ZNF254: variants seen among roughly 807,000 people sequenced by gnomAD.
ZNF254 encodes the protein CTD-2017D11.1.
In ZNF254, 10 loss-of-function variants were observed where a neutral mutation model predicts 12.4. That is an observed-to-expected ratio of 0.80 (90% CI 0.50 to 1.36). The LOEUF (loss-of-function observed/expected upper bound fraction) is 1.36. ZNF254 is among the 40% of genes most tolerant of loss of function. The pLI, the probability that ZNF254 is intolerant of heterozygous loss-of-function variation, is 0.00. For missense variants in ZNF254, 996 were observed against 763.9 expected, an observed-to-expected ratio of 1.30 and a Z score of -3.58; for synonymous variants, 305 against 253.4, an observed-to-expected ratio of 1.20 and a Z score of -1.93.
intron 2 of ZNF254, among the ~76,000 whole-genome samples, chr19:24,068,721 T>G (rs998622940): frequency 1.2e-4 from 19 of 152,224 alleles, no homozygotes; most frequent in Non-Finnish European, 5.9e-5. Context: ...TACCTTTAGA[T>G]GAGACCCAGG....
chr19:24,047,486 G>A (rs946140485), intron 2 of ZNF254, among the ~76,000 whole-genome samples: 2 of 151,418 alleles, frequency 1.3e-5, no homozygotes, highest in Admixed American at 6.6e-5. Flanking sequence ...CAGGGCTGGC[G>A]TCAAGCTCCT....
upstream of ZNF254, among the ~76,000 whole-genome samples, chr19:24,084,761 G>T (rs561352805): frequency 1.4e-4 from 21 of 151,874 alleles, no homozygotes; most frequent in Admixed American, 3.9e-4. Flanking sequence ...CTGAACAGCT[G>T]GTACTAAAGG....
intron 1 of ZNF254, among the ~76,000 whole-genome samples, chr19:24,091,001 T>C (rs376249577): frequency 7.4e-6 from 1 of 135,898 alleles, no homozygotes; most frequent in East Asian, 2.2e-4. Flanking sequence ...CAGGCTGGAG[T>C]GCAGTGGCGC....
intron 2 of ZNF254, among the ~76,000 whole-genome samples, chr19:24,059,360 T>C (rs1420698745): frequency 1.3e-5 from 2 of 152,192 alleles, no homozygotes; most frequent in Non-Finnish European, 2.9e-5. Context: ...CAGAACTTAC[T>C]TGATGCGACT....
chr19:24,055,911 CAT>C (rs1239944536), intron 2 of ZNF254, among the ~76,000 whole-genome samples: 1 of 152,166 alleles, frequency 6.6e-6, no homozygotes, highest in East Asian at 1.9e-4. Flanking sequence ...AAAACCGGAA[CAT>C]GTGTGGGATT....
chr19:24,090,214 C>T (rs912980880), intron 1 of ZNF254, among the ~76,000 whole-genome samples: 2 of 151,534 alleles, frequency 1.3e-5, no homozygotes, highest in South Asian at 2.1e-4. Flanking sequence ...AAAAACAAAC[C>T]GCAAAAAACT....
rs563794081 is a variant in ZNF254, at chr19:24,044,750, G to A, written c.-189-1434G>A. ...GGTCACTCATAAGTCAGAACCAGTT[G>A]TCTTAACTTTCTTATTTCATCTTGG... On this transcript the variant is annotated intron_variant, in intron 1 of 4. Transcript: ENST00000613065. Among the ~76,000 whole-genome samples, 6 of 152,180 alleles carry A rather than the reference G, an allele frequency of 3.9e-5. No individual in the cohort carries two copies. In the South Asian group the frequency reaches 1.0e-3, roughly 26 times the overall value.
intron 2 of ZNF254, among the ~76,000 whole-genome samples, chr19:24,055,208 A>AT (rs1327822179): frequency 7.4e-6 from 1 of 134,380 alleles, no homozygotes; most frequent in Non-Finnish European, 1.6e-5. Context: ...GTCTCACCAA[A>AT]AAAAAAAAAA....
intron 1 of ZNF254, among the ~76,000 whole-genome samples, chr19:24,089,089 G>T (rs1448924319): frequency 2.8e-5 from 4 of 143,554 alleles, no homozygotes; most frequent in African/African-American, 1.1e-4. Context: ...CGATTCTCCT[G>T]CCTCAGCCTC....
At chr19:24,088,936 C>T (rs1178747569) in intron 1 of ZNF254, among the ~76,000 whole-genome samples, 2 of 148,380 alleles carry the variant, frequency 1.3e-5, no homozygotes, top group African/African-American at 5.0e-5. Flanking sequence ...GTATTACAGA[C>T]GTGAGCCATC....
intron 3 of ZNF254, among the ~76,000 whole-genome samples, chr19:24,109,153 G>A (rs1193497593): frequency 6.6e-6 from 1 of 152,106 alleles, no homozygotes; most frequent in African/African-American, 2.4e-5. Flanking sequence ...GTTTTATTTT[G>A]TGTAAAATAA....
At chr19:24,090,639 G>A (rs1972316762) in intron 1 of ZNF254, among the ~76,000 whole-genome samples, 1 of 152,102 alleles carries the variant, frequency 6.6e-6, no homozygotes, top group Admixed American at 6.5e-5. Context: ...GTTTCACCAT[G>A]TTAGCTAGGC....
chr19:24,053,503 T>A (rs926167706), intron 2 of ZNF254, among the ~76,000 whole-genome samples: 2 of 152,020 alleles, frequency 1.3e-5, no homozygotes, highest in Non-Finnish European at 1.5e-5. Flanking sequence ...GTGATGTGAG[T>A]CTATTCTCTT....
chr19:24,038,209 A>G (rs990852210), intron 1 of ZNF254, among the ~76,000 whole-genome samples: 1 of 152,138 alleles, frequency 6.6e-6, no homozygotes, highest in African/African-American at 2.4e-5. Context: ...ACTTTATTCC[A>G]TTTTCTGTTG....
intron 2 of ZNF254, among the ~76,000 whole-genome samples, chr19:24,069,439 T>A (rs1303571940): frequency 6.7e-6 from 1 of 148,842 alleles, no homozygotes; most frequent in African/African-American, 2.5e-5. Flanking sequence ...AAACCCCATC[T>A]CTACTAAAAA....
chr19:24,043,861 G>C (rs1970270271), intron 1 of ZNF254, among the ~76,000 whole-genome samples: 1 of 152,142 alleles, frequency 6.6e-6, no homozygotes, highest in Non-Finnish European at 1.5e-5. Context: ...TATGAAAACT[G>C]CTCTGGATGT....
intron 3 of ZNF254, among the ~76,000 whole-genome samples, chr19:24,125,969 G>A (rs935367071): frequency 3.3e-5 from 5 of 152,208 alleles, no homozygotes; most frequent in African/African-American, 4.8e-5. Flanking sequence ...AGGAAAAGAT[G>A]TATTGAGTAA....
intron 2 of ZNF254, among the ~76,000 whole-genome samples, chr19:24,047,404 T>C (rs900808251): frequency 6.6e-6 from 1 of 151,758 alleles, no homozygotes; most frequent in African/African-American, 2.4e-5. Context: ...TCTTTCCTAC[T>C]ACATGAGCAT....
At chr19:24,101,954 T>C (rs1038798854) in intron 1 of ZNF254, among the ~76,000 whole-genome samples, 3 of 152,234 alleles carry the variant, frequency 2.0e-5, no homozygotes, top group Non-Finnish European at 2.9e-5. Context: ...TCCCTGGTAC[T>C]TGGGTAAAAA....
Sources: allele counts gnomAD v4.1 joint callset (sites outside exome capture counted in the v4.1 genomes callset), GRCh38; gene constraint gnomAD v4.1.1; transcripts MANE v1.5; gene names NCBI Gene and HGNC (gene_info 2026-07-23, HGNC 2026-07-21).